Variants in WBP11 observed in about 807,000 individuals in gnomAD.
The protein encoded by WBP11 is WW domain binding protein 11.
A neutral mutation model predicts 66.7 loss-of-function variants in WBP11; 12 were observed. That is an observed-to-expected ratio of 0.18 (90% confidence interval 0.12 to 0.29). The LOEUF is 0.29. Among genes scored for constraint, WBP11 ranks in the 10% least tolerant of loss-of-function variants. The probability of loss-of-function intolerance (pLI) is 1.00; values close to 1 mark genes in which losing one functional copy is unlikely to be tolerated. For missense variants in WBP11, 555 were observed against 818.3 expected, an observed-to-expected ratio of 0.68 and a Z score of 3.93; for synonymous variants, 255 against 273.8, an observed-to-expected ratio of 0.93 and a Z score of 0.68.
At position 14,794,747 on chromosome 12, in the gene WBP11, A is replaced by AC. The variant is rs758979648; in HGVS notation, c.522-12_522-11insG. The AC allele has an allele frequency of 6.5e-7, 1 of 1,538,672 alleles. No homozygotes were observed. On this transcript the variant is annotated splice_polypyrimidine_tract_variant and intron_variant, in intron 6 of 11. Transcript: ENST00000261167. ...GCCCGAGTTGGAGGTCTGTTAAAAA[A>AC]AAAAACAAAAACAAAAAAACCCCCA...
chr12:14,803,111 C>G (rs1028634259), intron 1 of WBP11, among the ~76,000 whole-genome samples: 1 of 152,204 alleles, frequency 6.6e-6, no homozygotes, highest in African/African-American at 2.4e-5. Context: ...GACGTCAAAC[C>G]TAAGGCTACT....
At chr12:14,800,169 C>T (rs546713240) in intron 3 of WBP11, among the ~76,000 whole-genome samples, 4 of 151,998 alleles carry the variant, frequency 2.6e-5, no homozygotes, top group Non-Finnish European at 4.4e-5. Flanking sequence ...AAAACACAAT[C>T]GAACATTATT....
In WBP11 at chr12:14,793,747, A is replaced by G; in HGVS notation, c.897T>C (p.Asn299=). Residue 299 remains asparagine, a synonymous_variant, in exon 8 of 12, where the codon AAT becomes AAC. Coordinates refer to ENST00000261167, the MANE Select transcript of WBP11 (RefSeq NM_016312.3). The part of the protein sequence containing the change: ...VHRDNGERDN[N]EEKKSGLSVR... ...TGCACATACCTGACTTCTTTTCTTC[A>G]TTGTTGTCTCTCTCACCATTATCAC... 1 of 1,613,768 alleles carries G rather than the reference A, an allele frequency of 6.2e-7. No homozygotes were observed. Among genetic ancestry groups the G allele is most frequent in the East Asian group, 2.2e-5 (1 of 44,854 alleles).
In WBP11 at chr12:14,803,467, T is replaced by C. The variant is rs1271375506; in HGVS notation, c.-161A>G. 6 of 398,668 alleles carry C rather than the reference T, an allele frequency of 1.5e-5. No individual in the cohort carries two copies. The highest frequency in any genetic ancestry group is 2.7e-5 in the Non-Finnish European group (6 of 226,230). The allele number at this position is 398,668 out of a possible 1,614,324, so 24.7% of individuals were successfully genotyped here. A position where few individuals can be genotyped will look rare whatever the true frequency, so the allele number is the denominator to read the frequency against. ...GGTCAACCCCTCAGCTACCGCCATC[T>C]TGAAACCTCGCGCCCCTCCGCACTC... is the stretch of plus-strand genomic sequence containing the variant. On this transcript the variant is annotated 5_prime_UTR_variant, in exon 1 of 12. Coordinates refer to ENST00000261167, the MANE Select transcript of WBP11 (RefSeq NM_016312.3).
chr12:14,788,112 G>A (rs1357468522), intron 11 of WBP11, among the ~76,000 whole-genome samples: 2 of 152,088 alleles, frequency 1.3e-5, no homozygotes, highest in African/African-American at 4.8e-5. Context: ...GGTGGTGCAC[G>A]CCTGTAATCC....
Position 14,787,019 on chromosome 12 carries a change from A to C in WBP11, c.*46T>G, listed in dbSNP as rs1468771539. 1.3e-6 allele frequency: 2 copies of C among 1,527,688 alleles called. No individual in the cohort carries two copies. The highest frequency in any genetic ancestry group is 1.8e-6 in the Non-Finnish European group (2 of 1,132,616). 94.6% of individuals were successfully genotyped at this position (1,527,688 alleles called of 1,614,324 possible). Reference sequence around the variant, plus strand: ...AAGTTTAATAAGAGCCTCTTTCTCCATGGGCCACTGTTGTGAACAGAAGCC... The same window carrying C: ...AAGTTTAATAAGAGCCTCTTTCTCCCTGGGCCACTGTTGTGAACAGAAGCC... On this transcript the variant is annotated 3_prime_UTR_variant, in exon 12 of 12. Coordinates refer to ENST00000261167, the MANE Select transcript of WBP11 (RefSeq NM_016312.3).
chr12:14,792,199 A>G (rs541740299), intron 8 of WBP11, among the ~76,000 whole-genome samples: 1 of 152,300 alleles, frequency 6.6e-6, no homozygotes, highest in South Asian at 2.1e-4. Flanking sequence ...AAAAGCCAGC[A>G]ATCTAATTCA....
intron 11 of WBP11, among the ~76,000 whole-genome samples, chr12:14,788,590 GAAAA>G (rs888927080): frequency 2.6e-5 from 4 of 152,042 alleles, no homozygotes; most frequent in Non-Finnish European, 5.9e-5. Context: ...AAGCCCACAA[GAAAA>G]TCTGCATGTC....
intron 4 of WBP11, 143 bp from the exon 5 acceptor site, chr12:14,797,146 C>T (rs1478417030): frequency 1.5e-5 from 8 of 517,748 alleles, no homozygotes; most frequent in African/African-American, 4.0e-5. Flanking sequence ...CAATTTTATT[C>T]GAAGAACTAC....
rs983411276 is a variant in WBP11 at position 14,792,854 on chromosome 12, G to GA, written c.913+876dup. ...CTCAAAAAAAAAAAAAGGAAAAAAA[G>GA]AAAAAAAATCTGTAGGCAGAATAAA... On this transcript the variant is annotated intron_variant, in intron 8 of 11. Transcript: ENST00000261167. 2.3e-4 allele frequency among the ~76,000 whole-genome samples: 35 copies of GA among 149,298 alleles called. No individual in the cohort carries two copies. The East Asian group carries it at 4.7e-3, about 20-fold the overall frequency.
At chr12:14,803,105 T>C (rs910195221) in intron 1 of WBP11, among the ~76,000 whole-genome samples, 1 of 151,786 alleles carries the variant, frequency 6.6e-6, no homozygotes, top group Non-Finnish European at 1.5e-5. Context: ...GTACAAGACG[T>C]CAAACCTAAG....
At chr12:14,791,129 A>T (rs1188835338) in intron 9 of WBP11, 40 bp downstream of exon 9, 1 of 1,579,972 alleles carries the variant, frequency 6.3e-7, no homozygotes, top group East Asian at 2.2e-5. Context: ...TAGCGTGAGG[A>T]TACACCAAAA....
At position 14,797,020 on chromosome 12, in the gene WBP11, AT is replaced by A; in HGVS notation, c.191-18del. On this transcript the variant is annotated intron_variant, in intron 4 of 11. Coordinates refer to ENST00000261167, the MANE Select transcript of WBP11 (RefSeq NM_016312.3). ...GGTTAAACTCTAAGAGAAAAAGTAG[AT>A]TATGGAATTAAATATAAGAGGCCAC... is the stretch of plus-strand genomic sequence containing the variant. 6.4e-7 allele frequency: 1 copy of A among 1,554,304 alleles called. No homozygotes were observed.
intron 3 of WBP11, among the ~76,000 whole-genome samples, chr12:14,800,348 T>C (rs1949945768): frequency 6.6e-6 from 1 of 151,786 alleles, no homozygotes; most frequent in South Asian, 2.1e-4. Context: ...ATAAATATTA[T>C]AAACCTACAT....
intron 11 of WBP11, 112 bp from the exon 12 acceptor site, chr12:14,787,610 AC>A (rs764353363): frequency 1.5e-4 from 147 of 990,684 alleles, no homozygotes; most frequent in Non-Finnish European, 1.8e-4. Flanking sequence ...ATAACAACTT[AC>A]AGAAAATAAG....
rs756092965 is a variant in WBP11, at chr12:14,791,122, C to T, written c.1015+47G>A. On this transcript the variant is annotated intron_variant, in intron 9 of 11. Coordinates refer to ENST00000261167, the MANE Select transcript of WBP11 (RefSeq NM_016312.3). ...GGAAAAACGTATGTAAAGTAATTAG[C>T]GTGAGGATACACCAAAAGGTGATTC... The T allele has an allele frequency of 2.0e-5, 31 of 1,549,436 alleles. No homozygotes were observed. In the Middle Eastern group the frequency reaches 7.3e-4, roughly 37 times the overall value.
At chr12:14,790,222 T>C (rs1472185944) in intron 10 of WBP11, among the ~76,000 whole-genome samples, 2 of 152,334 alleles carry the variant, frequency 1.3e-5, no homozygotes, top group Admixed American at 6.5e-5. Flanking sequence ...TAAGAAAAAC[T>C]GTGAAAACAA....
Position 14,800,890 on chromosome 12 carries a change from AC to A in WBP11, c.65-108del. 1.2e-5 allele frequency: 11 copies of A among 932,782 alleles called. 1 individual carries two copies. The South Asian group carries it at 1.9e-4, about 16-fold the overall frequency. 57.8% of individuals were successfully genotyped at this position (932,782 alleles called of 1,614,324 possible). A position where few individuals can be genotyped will look rare whatever the true frequency, so the allele number is the denominator to read the frequency against. ...TTTATTGTGGAAAGTTACAGTATGCACTGTAAAAGAGCAGCATCTTTGGATT... is the reference window on the plus strand; with the variant it reads ...TTTATTGTGGAAAGTTACAGTATGCATGTAAAAGAGCAGCATCTTTGGATT... On this transcript the variant is annotated intron_variant, in intron 2 of 11. Transcript: ENST00000261167.
chr12:14,793,961 T>C, intron 7 of WBP11, 39 bp from the exon 8 acceptor site: 1 of 1,546,030 alleles, frequency 6.5e-7, no homozygotes, highest in Non-Finnish European at 8.8e-7. Flanking sequence ...GTAGTATGAT[T>C]GGACCCTCCA....
Sources: gnomAD v4.1 joint callset for allele counts (sites outside exome capture counted in the v4.1 genomes callset) on GRCh38, gnomAD v4.1.1 for gene constraint, MANE v1.5 for transcripts, NCBI Gene and HGNC (gene_info 2026-07-23, HGNC 2026-07-21) for gene names.